Variants in ERICH1 observed in about 807,000 individuals in gnomAD.
ERICH1 encodes glutamate rich 1, also known as glutamate-rich protein 1.
ERICH1 carries 56 observed loss-of-function variants against 39.6 expected under a neutral mutation model. That is an observed-to-expected ratio of 1.41 (90% CI 1.14 to 1.77). ERICH1 has a LOEUF of 1.77. ERICH1 is among the 40% of genes most tolerant of loss of function. The pLI, the probability that ERICH1 is intolerant of heterozygous loss-of-function variation, is 0.00. For missense variants in ERICH1, 826 were observed against 575.4 expected, an observed-to-expected ratio of 1.44 and a Z score of -4.45; for synonymous variants, 313 against 223.6, an observed-to-expected ratio of 1.40 and a Z score of -3.57.
intron 3 of ERICH1, among the ~76,000 whole-genome samples, chr8:642,139 C>G (rs1799063913): frequency 6.6e-6 from 1 of 152,264 alleles, no homozygotes; most frequent in East Asian, 1.9e-4. Context: ...TGTGCAGATT[C>G]TTCACAAGCT....
intron 3 of ERICH1, chr8:626,134 G>C (rs1267976014): frequency 6.6e-6 from 1 of 152,162 alleles, no homozygotes; most frequent in East Asian, 1.9e-4. Context: ...CATTTTCTCA[G>C]GGAAAGGAAG....
intron 3 of ERICH1, among the ~76,000 whole-genome samples, chr8:650,112 G>A (rs1274841756): frequency 6.6e-6 from 1 of 152,212 alleles, no homozygotes; most frequent in African/African-American, 2.4e-5. Flanking sequence ...CGGTCTCAGC[G>A]CTCGCTCCAT....
intron 3 of ERICH1, among the ~76,000 whole-genome samples, chr8:642,506 G>A (rs976800839): frequency 1.3e-4 from 19 of 151,940 alleles, no homozygotes; most frequent in African/African-American, 2.9e-4. Context: ...CACCACGCCC[G>A]GCTAATTTTT....
intron 3 of ERICH1, among the ~76,000 whole-genome samples, chr8:684,048 GTAGT>G (rs1307428391): frequency 1.2e-4 from 19 of 152,334 alleles, no homozygotes; most frequent in South Asian, 6.2e-4. Context: ...TAGTGGAAAA[GTAGT>G]TAGTGTCTCA....
chr8:629,166 T>A (rs544261057), intron 3 of ERICH1, among the ~76,000 whole-genome samples: 2 of 152,124 alleles, frequency 1.3e-5, no homozygotes, highest in African/African-American at 4.8e-5. Flanking sequence ...CACGTGATCA[T>A]ACGGTCCCAC....
At chr8:662,771 G>C (rs1310819797), downstream of ERICH1, among the ~76,000 whole-genome samples, 1 of 152,138 alleles carries the variant, frequency 6.6e-6, no homozygotes, top group Non-Finnish European at 1.5e-5. Flanking sequence ...CAGGAGTCCG[G>C]CTTGGACACC....
chr8:634,349 G>T (rs1295144041), intron 3 of ERICH1, among the ~76,000 whole-genome samples: 1 of 152,182 alleles, frequency 6.6e-6, no homozygotes, highest in African/African-American at 2.4e-5. Context: ...CGAGCGTCGT[G>T]GAGCGCTTGG....
At chr8:730,962 G>A (rs1176220950) in intron 1 of ERICH1, among the ~76,000 whole-genome samples, 178 bp downstream of exon 1, 1 of 152,032 alleles carries the variant, frequency 6.6e-6, no homozygotes, top group Non-Finnish European at 1.5e-5. Context: ...CGAGGGGTGG[G>A]CCGCGGTCCG....
At chr8:654,722 T>C (rs780833303) in intron 3 of ERICH1, among the ~76,000 whole-genome samples, 16 of 152,010 alleles carry the variant, frequency 1.1e-4, no homozygotes, top group Non-Finnish European at 1.8e-4. Context: ...CAGGCTGCCA[T>C]GGAGATGTCC....
rs762560415 is a variant in ERICH1 at position 673,580 on chromosome 8, G to C, written c.772C>G (p.Pro258Ala). ...ACGTCTTCCTCCCCGGCCGGTGTCG[G>C]ATCTTCCTCACTGGCGTCCGCACCC... Reference protein sequence around the residue: ...EEGADASEEDPTPAGEEDVKD... With the variant: ...EEGADASEEDATPAGEEDVKD... The change falls in exon 4 of 6, where the codon CCG becomes GCG. Residue 258 changes from proline to alanine, a missense_variant. By Grantham distance (27) the Pro-to-Ala change is conservative. Transcript: ENST00000262109. The C allele has an allele frequency of 1.3e-6, 2 of 1,548,254 alleles. No individual in the cohort carries two copies. Among genetic ancestry groups the C allele is most frequent in the Admixed American group, 1.8e-5 (1 of 56,592 alleles).
At position 724,907 on chromosome 8, in the gene ERICH1, G is replaced by A. The variant is rs116395369; in HGVS notation, c.22+6233C>T. 4.9e-3 allele frequency among the ~76,000 whole-genome samples: 747 copies of A among 152,170 alleles called. 4 individuals are homozygous for A. Among genetic ancestry groups the A allele is most frequent in the African/African-American group, 0.017 (722 of 41,528 alleles). On this transcript the variant is annotated intron_variant, in intron 1 of 5. Coordinates refer to ENST00000262109, the MANE Select transcript of ERICH1 (RefSeq NM_207332.3). The stretch of plus-strand genomic sequence containing the variant: ...ACCCACGCCGCCTGGCCCGGACCAC[G>A]AGGGAGCCACGGCTGCCCCATTGTG...
chr8:638,869 G>A (rs59704017), intron 3 of ERICH1, among the ~76,000 whole-genome samples: 51,393 of 151,828 alleles, frequency 0.34, 8,906 homozygotes, highest in Middle Eastern at 0.41. Context: ...GTGCGCAATC[G>A]CTGCTCAGTG....
chr8:666,693 C>T (rs1802298198), intron 5 of ERICH1: 3 of 152,522 alleles, frequency 2.0e-5, no homozygotes, highest in African/African-American at 7.2e-5. Flanking sequence ...CAGCTGGAAC[C>T]TGAGGTCTGA....
intron 3 of ERICH1, chr8:640,646 G>C (rs1798873478): frequency 6.6e-6 from 1 of 152,178 alleles, no homozygotes; most frequent in Non-Finnish European, 1.5e-5. Context: ...CGAGGATCTG[G>C]GCACGCCAGG....
At chr8:661,238 G>A (rs775996652), downstream of ERICH1, among the ~76,000 whole-genome samples, 1 of 152,084 alleles carries the variant, frequency 6.6e-6, no homozygotes, top group Non-Finnish European at 1.5e-5. Context: ...GAGAGCGCTC[G>A]GGGCAAGAGC....
intron 4 of ERICH1, chr8:669,082 C>A: frequency 2.5e-6 from 1 of 392,168 alleles, no homozygotes; most frequent in Non-Finnish European, 4.6e-6. Flanking sequence ...CCCGTCTACA[C>A]CTCTGTCTGG....
At chr8:641,011 ATTCGCCCTGATGC>A (rs1798910803) in intron 3 of ERICH1, 1 of 152,138 alleles carries the variant, frequency 6.6e-6, no homozygotes, top group South Asian at 2.1e-4. Flanking sequence ...CTCACGTGGG[ATTCGCCCTGATGC>A]TTCGCCCGCC....
At chr8:676,543 A>AGGACAGAGGCG (rs1227405519) in intron 3 of ERICH1, among the ~76,000 whole-genome samples, 26 of 150,776 alleles carry the variant, frequency 1.7e-4, no homozygotes, top group Admixed American at 1.5e-3. Flanking sequence ...GGACAGAGGC[A>AGGACAGAGGCG]CACTACCCGT....
intron 3 of ERICH1, among the ~76,000 whole-genome samples, chr8:640,242 A>G (rs561038010): frequency 4.6e-5 from 7 of 152,312 alleles, no homozygotes; most frequent in South Asian, 4.2e-4. Context: ...CTCCTTTTTT[A>G]TAGCAAAAAT....
Sources: gnomAD v4.1 joint callset for allele counts (sites outside exome capture counted in the v4.1 genomes callset) on GRCh38, gnomAD v4.1.1 for gene constraint, MANE v1.5 for transcripts, NCBI Gene and HGNC (gene_info 2026-07-23, HGNC 2026-07-21) for gene names.